Variants in ZFHX4 observed in about 807,000 individuals in gnomAD.
ZFHX4 encodes the protein zinc finger homeobox protein 4.
A neutral mutation model predicts 267.6 loss-of-function variants in ZFHX4; 56 were observed. The observed-to-expected ratio is 0.21, with a 90% CI of 0.17 to 0.26. The LOEUF is 0.26. Among genes scored for constraint, ZFHX4 ranks in the 10% least tolerant of loss-of-function variants. The probability of loss-of-function intolerance (pLI) is 1.00; values close to 1 mark genes in which losing one functional copy is unlikely to be tolerated. For synonymous variants in ZFHX4, 1,778 were observed against 1,665.6 expected (o/e 1.07, Z -1.64); for missense variants, 4,332 against 4,420.0 (o/e 0.98, Z 0.56).
intron 4 of ZFHX4, among the ~76,000 whole-genome samples, chr8:76,784,563 A>G (rs2131789355): frequency 6.6e-6 from 1 of 152,096 alleles, no homozygotes; most frequent in South Asian, 2.1e-4. Context: ...TGGAATAGAT[A>G]CCCATGAATG....
rs749468510 is a variant in ZFHX4 at position 76,707,624 on chromosome 8, G to A, written c.2669G>A (p.Gly890Glu). The change falls in exon 3 of 11, where the codon GGA becomes GAA. Residue 890 changes from glycine (G) to glutamate (E), a missense_variant. Coordinates refer to ENST00000651372, the MANE Select transcript of ZFHX4 (RefSeq NM_024721.5). The part of the protein sequence containing the change: ...MGDDLSLLTA[G>E]ELSPYISDPA... ...GATGACCTGTCCCTCCTTACTGCAGGAGAGCTGTCACCTTATATCAGTGAC... is the reference window on the plus strand; with the variant it reads ...GATGACCTGTCCCTCCTTACTGCAGAAGAGCTGTCACCTTATATCAGTGAC... 1 of 1,613,822 alleles carries A rather than the reference G, an allele frequency of 6.2e-7. No homozygotes were observed. Among genetic ancestry groups the A allele is most frequent in the South Asian group, 1.1e-5 (1 of 91,068 alleles).
At chr8:76,712,474 T>C (rs1043751346) in intron 3 of ZFHX4, among the ~76,000 whole-genome samples, 3 of 152,140 alleles carry the variant, frequency 2.0e-5, no homozygotes, top group Non-Finnish European at 4.4e-5. Context: ...TCAATAGGCC[T>C]GAATCCAACT....
chr8:76,698,939 G>C (rs538176673), intron 1 of ZFHX4, among the ~76,000 whole-genome samples: 1 of 151,980 alleles, frequency 6.6e-6, no homozygotes, highest in Admixed American at 6.6e-5. Flanking sequence ...ATTTTCTCTC[G>C]TGCTGGGAAG....
chr8:76,804,431 G>A (rs1395628841), intron 4 of ZFHX4, among the ~76,000 whole-genome samples: 4 of 151,928 alleles, frequency 2.6e-5, no homozygotes, highest in Non-Finnish European at 5.9e-5. Context: ...AACTGTTAAG[G>A]AATCAAAGCA....
chr8:76,812,214 C>G (rs924087868), intron 4 of ZFHX4, among the ~76,000 whole-genome samples: 1 of 152,204 alleles, frequency 6.6e-6, no homozygotes, highest in Non-Finnish European at 1.5e-5. Flanking sequence ...TGATTTACTT[C>G]ATGAGTTAAT....
At chr8:76,808,835 C>G (rs1376217628) in intron 4 of ZFHX4, among the ~76,000 whole-genome samples, 1 of 152,074 alleles carries the variant, frequency 6.6e-6, no homozygotes, top group Non-Finnish European at 1.5e-5. Flanking sequence ...AAAGATATTT[C>G]AGTCCTTTTC....
In ZFHX4 at chr8:76,863,918, G is replaced by A. The variant is rs1427965914; in HGVS notation, c.10204G>A (p.Glu3402Lys). ...DTYVVPFVKYEFICRKCQMMF... is the reference protein window; with the variant it reads ...DTYVVPFVKYKFICRKCQMMF... ...TTACGTTGTTCCATTCGTCAAGTAT[G>A]AGTTTATATGCAGAAAGTGCCAGAT... Residue 3402 changes from glutamate (E) to lysine (K), a missense_variant, in exon 11 of 11, where the codon GAG (glutamate) becomes AAG (lysine). Glu to Lys is a moderately conservative substitution (Grantham distance 56). This residue lies in a region of ZFHX4 where 1,648 missense variants were observed against 1,625.0 expected (regional missense o/e 1.01). Transcript: ENST00000651372. 3.1e-6 allele frequency: 5 copies of A among 1,591,530 alleles called. No individual in the cohort carries two copies. Among genetic ancestry groups the A allele is most frequent in the South Asian group, 1.1e-5 (1 of 88,032 alleles).
chr8:76,822,112 C>A (rs1413484750), intron 4 of ZFHX4, among the ~76,000 whole-genome samples: 2 of 152,066 alleles, frequency 1.3e-5, no homozygotes, highest in Non-Finnish European at 2.9e-5. Context: ...CATATCCAAA[C>A]CTTCTTTTTA....
chr8:76,737,075 T>C (rs1216324137), intron 3 of ZFHX4, among the ~76,000 whole-genome samples: 1 of 152,154 alleles, frequency 6.6e-6, no homozygotes, highest in African/African-American at 2.4e-5. Context: ...TAAACACTTG[T>C]TTACCAAATC....
At chr8:76,768,011 C>T (rs954936725) in intron 3 of ZFHX4, among the ~76,000 whole-genome samples, 2 of 152,082 alleles carry the variant, frequency 1.3e-5, no homozygotes, top group Admixed American at 1.3e-4. Context: ...GACAAGGATA[C>T]CTCTGGTTGT....
rs866211874 is a variant in ZFHX4 at position 76,855,492 on chromosome 8, G to A, written c.8571G>A (p.Thr2857=). 1.2e-6 allele frequency: 2 copies of A among 1,613,704 alleles called. No homozygotes were observed. Among genetic ancestry groups the A allele is most frequent in the South Asian group, 1.1e-5 (1 of 91,066 alleles). Residue 2857 remains threonine (T), a synonymous_variant, in exon 10 of 11, where the codon ACG becomes ACA. Transcript: ENST00000651372. ...TLPKPATTPT[T]EVCDDKFLFS... ...CAAAACCTGCAACCACACCTACCAC[G>A]GAGGTCTGCGATGACAAATTTCTCT...
intron 5 of ZFHX4, 156 bp downstream of exon 5, chr8:76,833,562 T>A: frequency 3.4e-6 from 2 of 591,448 alleles, no homozygotes; most frequent in South Asian, 4.2e-5. Flanking sequence ...ATGAAATAAA[T>A]TCAATAATTG....
intron 4 of ZFHX4, among the ~76,000 whole-genome samples, chr8:76,799,897 G>C (rs1046395076): frequency 1.3e-5 from 2 of 152,108 alleles, no homozygotes; most frequent in Non-Finnish European, 2.9e-5. Flanking sequence ...GCTTTCACTT[G>C]ATCACTGCAA....
chr8:76,853,800 T>A lies in ZFHX4; in HGVS notation c.6879T>A (p.Asp2293Glu), dbSNP rs1401491677. The change falls in exon 10 of 11, where the codon GAT becomes GAA. Residue 2293 changes from aspartate (D) to glutamate (E), a missense_variant. Asp to Glu is a conservative substitution (Grantham distance 45). Transcript: ENST00000651372. The part of the protein sequence containing the change: ...KSYENQAETK[D>E]NEKRELTNER... ...ATGAGAATCAAGCAGAAACAAAAGA[T>A]AATGAAAAAAGAGAACTCACTAATG... 1 of 1,613,520 alleles carries A rather than the reference T, an allele frequency of 6.2e-7. No individual in the cohort carries two copies. Among genetic ancestry groups the A allele is most frequent in the Non-Finnish European group, 8.5e-7 (1 of 1,179,746 alleles).
At chr8:76,687,199 A>C (rs1210206303) in intron 1 of ZFHX4, among the ~76,000 whole-genome samples, 1 of 152,186 alleles carries the variant, frequency 6.6e-6, no homozygotes, top group Non-Finnish European at 1.5e-5. Flanking sequence ...TTTAACTCAT[A>C]CCGTGGTGAA....
At chr8:76,769,035 C>T (rs532133493) in intron 3 of ZFHX4, among the ~76,000 whole-genome samples, 1 of 152,136 alleles carries the variant, frequency 6.6e-6, no homozygotes, top group East Asian at 1.9e-4. Flanking sequence ...GAGTTCAAGA[C>T]TGCAGTGAGC....
At chr8:76,842,866 T>C in intron 6 of ZFHX4, 95 bp downstream of exon 6, 1 of 804,596 alleles carries the variant, frequency 1.2e-6, no homozygotes, top group Non-Finnish European at 2.0e-6. Context: ...CAAAACTTAT[T>C]AAAAGCTTTT....
At chr8:76,803,599 G>A in intron 4 of ZFHX4, among the ~76,000 whole-genome samples, 1 of 152,004 alleles carries the variant, frequency 6.6e-6, no homozygotes, top group East Asian at 1.9e-4. Context: ...ATCCTCAGCT[G>A]AATTACTTCT....
rs555194788 is a variant in ZFHX4, at chr8:76,758,566, C to T, written c.3094-19642C>T. On this transcript the variant is annotated intron_variant, in intron 3 of 10. Coordinates refer to ENST00000651372, the MANE Select transcript of ZFHX4 (RefSeq NM_024721.5). ...CTGGAGTGCAGTAGCACGATCTCAG[C>T]TCACTGCAGCCTCGACCTCCCAGGC... 5.9e-5 allele frequency among the ~76,000 whole-genome samples: 9 copies of T among 152,302 alleles called. No homozygotes were observed. The South Asian group carries it at 1.9e-3, about 32-fold the overall frequency.
Sources: gnomAD v4.1 joint callset for allele counts (sites outside exome capture counted in the v4.1 genomes callset) on GRCh38, gnomAD v4.1.1 for gene constraint, gnomAD v4.1.1 regional missense constraint, MANE v1.5 for transcripts, NCBI Gene and HGNC (gene_info 2026-07-23, HGNC 2026-07-21) for gene names.